KCNK10: variants seen among roughly 807,000 people sequenced by gnomAD.
The protein encoded by KCNK10 is potassium channel subfamily K member 10.
A neutral mutation model predicts 47.7 loss-of-function variants in KCNK10; 25 were observed. The ratio of observed to expected loss-of-function variants is 0.52; its 90% confidence interval spans 0.38 to 0.73. The LOEUF is 0.73. Ranked by LOEUF, KCNK10 falls within the 30% of genes least tolerant of loss-of-function variation. The pLI, the probability that KCNK10 is intolerant of heterozygous loss-of-function variation, is 0.00. For missense variants in KCNK10, 563 were observed against 714.5 expected (o/e 0.79, Z 2.42); for synonymous variants, 303 against 285.6 (o/e 1.06, Z -0.61).
At chr14:88,292,862 G>A (rs979547384) in intron 1 of KCNK10, among the ~76,000 whole-genome samples, 3 of 151,942 alleles carry the variant, frequency 2.0e-5, no homozygotes, top group East Asian at 1.9e-4. Context: ...GGGCTCAAGC[G>A]ATGGCCTGCC....
chr14:88,257,811 T>C (rs925074374), intron 2 of KCNK10, among the ~76,000 whole-genome samples: 4 of 152,252 alleles, frequency 2.6e-5, no homozygotes, highest in Non-Finnish European at 5.9e-5. Flanking sequence ...TTCAGATAGC[T>C]CTATTCCAAA....
intron 1 of KCNK10, chr14:88,270,644 A>G: frequency 1.3e-6 from 1 of 773,418 alleles, no homozygotes; most frequent in Non-Finnish European, 2.4e-6. Flanking sequence ...AAAACAAGGC[A>G]GACTGGGGGG....
chr14:88,222,257 G>C (rs1001360360), intron 4 of KCNK10, among the ~76,000 whole-genome samples: 2 of 152,132 alleles, frequency 1.3e-5, no homozygotes, highest in African/African-American at 4.8e-5. Context: ...ACCTCCCCCT[G>C]GGTCCCTCCC....
intron 1 of KCNK10, among the ~76,000 whole-genome samples, chr14:88,304,354 A>G (rs909989332): frequency 3.9e-5 from 6 of 152,162 alleles, no homozygotes; most frequent in Admixed American, 1.3e-4. Flanking sequence ...ACTGAATTGA[A>G]GTAGAGTCTT....
intron 1 of KCNK10, among the ~76,000 whole-genome samples, chr14:88,312,753 T>C (rs1888354268): frequency 6.6e-6 from 1 of 152,182 alleles, no homozygotes; most frequent in Admixed American, 6.6e-5. Flanking sequence ...GATTTACACA[T>C]AGATGGTGCC....
At chr14:88,270,567 C>T (rs531151548) in intron 1 of KCNK10, among the ~76,000 whole-genome samples, 1 of 152,310 alleles carries the variant, frequency 6.6e-6, no homozygotes, top group South Asian at 2.1e-4. Flanking sequence ...TTTCAGGCTG[C>T]ACTTCCAGAT....
At chr14:88,243,475 C>T (rs1886537739) in intron 2 of KCNK10, among the ~76,000 whole-genome samples, 1 of 152,176 alleles carries the variant, frequency 6.6e-6, no homozygotes. Context: ...TGCATGTTGC[C>T]TCCCCTACTC....
chr14:88,275,659 C>A (rs1327458973), intron 1 of KCNK10, among the ~76,000 whole-genome samples: 2 of 141,696 alleles, frequency 1.4e-5, no homozygotes, highest in Non-Finnish European at 3.0e-5. Context: ...ACCAGCCTGG[C>A]CAACATGGCG....
chr14:88,274,563 A>AAAAAAAAAAAAAAAAAAAAAAAAC (rs1887485383), intron 1 of KCNK10, among the ~76,000 whole-genome samples: 1 of 150,350 alleles, frequency 6.7e-6, no homozygotes, highest in African/African-American at 2.4e-5. Context: ...AAAAAAAAAA[A>AAAAAAAAAAAAAAAAAAAAAAAAC]AAAGATCTTA....
chr14:88,237,668 A>T (rs1414369726), intron 3 of KCNK10, among the ~76,000 whole-genome samples: 3 of 152,236 alleles, frequency 2.0e-5, no homozygotes, highest in Non-Finnish European at 1.5e-5. Flanking sequence ...GACTAGGTGC[A>T]TTGTCAGTGA....
intron 1 of KCNK10, among the ~76,000 whole-genome samples, chr14:88,295,682 A>AATTT (rs980163291): frequency 1.3e-5 from 2 of 151,912 alleles, no homozygotes; most frequent in Non-Finnish European, 2.9e-5. Context: ...TTAATTAACT[A>AATTT]ATTTATTTAT....
At chr14:88,304,480 T>C (rs566468198) in intron 1 of KCNK10, among the ~76,000 whole-genome samples, 1 of 152,224 alleles carries the variant, frequency 6.6e-6, no homozygotes, top group African/African-American at 2.4e-5. Flanking sequence ...ATATTCATGG[T>C]GTTCTGCAGT....
At chr14:88,249,124 T>A (rs533431655) in intron 2 of KCNK10, among the ~76,000 whole-genome samples, 45 of 152,258 alleles carry the variant, frequency 3.0e-4, no homozygotes, top group Non-Finnish European at 1.8e-4. Context: ...AAGGACAACA[T>A]AGAGAAGTCA....
At chr14:88,201,498 A>G (rs373167818) in intron 4 of KCNK10, among the ~76,000 whole-genome samples, 2 of 152,140 alleles carry the variant, frequency 1.3e-5, no homozygotes, top group East Asian at 3.9e-4. Context: ...TGTCTCTACT[A>G]AAAACACAAA....
intron 4 of KCNK10, among the ~76,000 whole-genome samples, chr14:88,192,628 G>A (rs1884786085): frequency 6.6e-6 from 1 of 152,190 alleles, no homozygotes; most frequent in East Asian, 1.9e-4. Flanking sequence ...CCTGAAGCCT[G>A]TTCGTGGACA....
chr14:88,201,473 A>G (rs1332594181), intron 4 of KCNK10, among the ~76,000 whole-genome samples: 1 of 152,122 alleles, frequency 6.6e-6, no homozygotes, highest in East Asian at 1.9e-4. Flanking sequence ...CAGCCTGGCC[A>G]ATATGGTGAA....
At chr14:88,303,372 C>T (rs1888141997) in intron 1 of KCNK10, among the ~76,000 whole-genome samples, 1 of 152,066 alleles carries the variant, frequency 6.6e-6, no homozygotes, top group Admixed American at 6.6e-5. Flanking sequence ...GATGCAATGT[C>T]CATAAGTGGC....
At chr14:88,202,336 C>A (rs1885128454) in intron 4 of KCNK10, among the ~76,000 whole-genome samples, 1 of 152,196 alleles carries the variant, frequency 6.6e-6, no homozygotes, top group South Asian at 2.1e-4. Context: ...ATTCTTTTTG[C>A]CCACCAATAA....
upstream of KCNK10, chr14:88,326,575 GA>G: frequency 1.3e-6 from 1 of 767,084 alleles, no homozygotes; most frequent in Non-Finnish European, 2.2e-6. Flanking sequence ...CCTGCGGCAG[GA>G]AAACAAAACA....
Sources: allele counts gnomAD v4.1 joint callset (sites outside exome capture counted in the v4.1 genomes callset), GRCh38; gene constraint gnomAD v4.1.1; transcripts MANE v1.5; gene names NCBI Gene and HGNC (gene_info 2026-07-23, HGNC 2026-07-21).